Variants in CLMN observed in about 807,000 individuals in gnomAD.
CLMN encodes the protein calmin, also known as calmin (calponin-like, transmembrane).
CLMN carries 57 observed loss-of-function variants against 92.7 expected under a neutral mutation model. The ratio of observed to expected loss-of-function variants is 0.61; its 90% confidence interval spans 0.50 to 0.77. CLMN has a LOEUF of 0.77. Ranked by LOEUF, CLMN falls within the 30% of genes least tolerant of loss-of-function variation. CLMN has a pLI of 0.00. For synonymous variants in CLMN, 466 were observed against 470.6 expected (o/e 0.99, Z 0.13); for missense variants, 1,158 against 1,237.5 (o/e 0.94, Z 0.96).
At chr14:95,318,859 G>A (rs1036392131) in intron 1 of CLMN, among the ~76,000 whole-genome samples, 1 of 152,246 alleles carries the variant, frequency 6.6e-6, no homozygotes, top group Non-Finnish European at 1.5e-5. Flanking sequence ...AGGTTGTGGA[G>A]GGGAAATTAT....
chr14:95,257,497 C>A (rs979513856), intron 1 of CLMN, among the ~76,000 whole-genome samples: 2 of 152,214 alleles, frequency 1.3e-5, no homozygotes, highest in African/African-American at 2.4e-5. Flanking sequence ...TCAAATTAAA[C>A]TCTTTCAATT....
At chr14:95,270,791 T>A (rs192169761) in intron 1 of CLMN, among the ~76,000 whole-genome samples, 1 of 152,350 alleles carries the variant, frequency 6.6e-6, no homozygotes, top group Non-Finnish European at 1.5e-5. Context: ...ATTCATTTTT[T>A]TTACATGGAG....
At chr14:95,238,254 A>G (rs1446272349) in intron 1 of CLMN, among the ~76,000 whole-genome samples, 1 of 152,304 alleles carries the variant, frequency 6.6e-6, no homozygotes, top group Admixed American at 6.5e-5. Flanking sequence ...ACCTCATTAC[A>G]TGGCCTCATG....
At position 95,270,485 on chromosome 14, in the gene CLMN, C is replaced by T. The variant is rs117288432; in HGVS notation, c.83-40352G>A. On this transcript the variant is annotated intron_variant, in intron 1 of 12. Coordinates refer to ENST00000298912, the MANE Select transcript of CLMN (RefSeq NM_024734.4). Reference sequence around the variant, plus strand: ...GCAGCTTCAGGCAAACACTAATAGACCTTCTAGCTCCATTGATCTGGAACA... The same window carrying T: ...GCAGCTTCAGGCAAACACTAATAGATCTTCTAGCTCCATTGATCTGGAACA... Among the ~76,000 whole-genome samples, 360 of 152,262 alleles carry T rather than the reference C, an allele frequency of 2.4e-3. 13 individuals are homozygous for T. The East Asian group carries it at 0.058, about 25-fold the overall frequency.
chr14:95,238,501 C>G (rs1365780590), intron 1 of CLMN, among the ~76,000 whole-genome samples: 2 of 152,218 alleles, frequency 1.3e-5, no homozygotes, highest in East Asian at 3.8e-4. Flanking sequence ...TGCTCTGACC[C>G]AAGTCCCTTT....
chr14:95,232,594 T>C (rs1468155010), intron 1 of CLMN, among the ~76,000 whole-genome samples: 1 of 152,202 alleles, frequency 6.6e-6, no homozygotes, highest in East Asian at 1.9e-4. Context: ...CACTGGCTAA[T>C]AGGCATAAGA....
chr14:95,284,871 T>C (rs1055989559), intron 1 of CLMN, among the ~76,000 whole-genome samples: 1 of 152,162 alleles, frequency 6.6e-6, no homozygotes, highest in Non-Finnish European at 1.5e-5. Flanking sequence ...TTTGGGGGAC[T>C]GTTGGGAAGG....
At chr14:95,236,208 C>T (rs1302069319) in intron 1 of CLMN, among the ~76,000 whole-genome samples, 6 of 152,214 alleles carry the variant, frequency 3.9e-5, no homozygotes, top group African/African-American at 1.4e-4. Flanking sequence ...CTCAGTGAAA[C>T]GCCAGGATTT....
In CLMN at chr14:95,183,796, C is replaced by G. The variant is rs1431532515; in HGVS notation, c.*7768G>C. On this transcript the variant is annotated 3_prime_UTR_variant, in exon 13 of 13. Transcript: ENST00000298912. ...GTTTAGAGTGTTTGAAAATAACAGT[C>G]CTATGTTCCCAGTTCTGCTACTTAC... 1 of 152,234 alleles carries G rather than the reference C, an allele frequency of 6.6e-6. No homozygotes were observed. The allele number at this position is 152,234 out of a possible 1,614,324, so 9.4% of individuals were successfully genotyped here. A position where few individuals can be genotyped will look rare whatever the true frequency, so the allele number is the denominator to read the frequency against.
chr14:95,240,409 C>A (rs1268942541), intron 1 of CLMN, among the ~76,000 whole-genome samples: 4 of 152,096 alleles, frequency 2.6e-5, no homozygotes, highest in African/African-American at 9.7e-5. Flanking sequence ...CCAGACATGG[C>A]CCCAAACAAA....
Position 95,188,642 on chromosome 14 carries a change from A to G in CLMN, c.*2922T>C, listed in dbSNP as rs1277094595. The G allele has an allele frequency of 6.6e-6, 1 of 152,192 alleles. No homozygotes were observed. Among genetic ancestry groups the G allele is most frequent in the African/African-American group, 2.4e-5 (1 of 41,438 alleles). 9.4% of individuals were successfully genotyped at this position (152,192 alleles called of 1,614,324 possible). On this transcript the variant is annotated 3_prime_UTR_variant, in exon 13 of 13. Coordinates refer to ENST00000298912, the MANE Select transcript of CLMN (RefSeq NM_024734.4). ...AGAAAATTTAAGAAATTTCCCATGAAGGCCCAGCACAAGGTTTAACACCCG... is the reference window on the plus strand; with the variant it reads ...AGAAAATTTAAGAAATTTCCCATGAGGGCCCAGCACAAGGTTTAACACCCG...
chr14:95,183,050 A>C lies in CLMN; in HGVS notation c.*8514T>G, dbSNP rs1896364689. 6.6e-6 allele frequency: 1 copy of C among 152,238 alleles called. No homozygotes were observed. Among genetic ancestry groups the C allele is most frequent in the Non-Finnish European group, 1.5e-5 (1 of 68,040 alleles). 9.4% of individuals were successfully genotyped at this position (152,238 alleles called of 1,614,324 possible). On this transcript the variant is annotated 3_prime_UTR_variant, in exon 13 of 13. Coordinates refer to ENST00000298912, the MANE Select transcript of CLMN (RefSeq NM_024734.4). ...AGCAAATAGGCCACTTATTGAGATAAATAAAAACTACCTTCGTAACCTTTG... is the reference window on the plus strand; with the variant it reads ...AGCAAATAGGCCACTTATTGAGATACATAAAAACTACCTTCGTAACCTTTG...
At chr14:95,220,754 T>C (rs1202362492) in intron 4 of CLMN, among the ~76,000 whole-genome samples, 2 of 152,228 alleles carry the variant, frequency 1.3e-5, no homozygotes, top group Non-Finnish European at 2.9e-5. Flanking sequence ...CCACACATCC[T>C]GTCCGGGCCT....
chr14:95,244,758 A>G (rs948419496), intron 1 of CLMN, among the ~76,000 whole-genome samples: 5 of 152,026 alleles, frequency 3.3e-5, no homozygotes, highest in African/African-American at 1.2e-4. Context: ...AGGAGATGAG[A>G]ACACACTAGT....
intron 1 of CLMN, among the ~76,000 whole-genome samples, chr14:95,251,000 G>A (rs956716001): frequency 1.1e-4 from 17 of 152,274 alleles, no homozygotes; most frequent in African/African-American, 3.4e-4. Context: ...GGTTCTTAAC[G>A]ACAGTACAGG....
intron 1 of CLMN, among the ~76,000 whole-genome samples, chr14:95,305,000 C>G (rs921834678): frequency 6.6e-6 from 1 of 152,194 alleles, no homozygotes; most frequent in Non-Finnish European, 1.5e-5. Context: ...TAGTCCCCAA[C>G]TTTTAAAGAG....
At chr14:95,250,744 G>A (rs1243263396) in intron 1 of CLMN, among the ~76,000 whole-genome samples, 1 of 152,208 alleles carries the variant, frequency 6.6e-6, no homozygotes, top group Non-Finnish European at 1.5e-5. Context: ...GTTAAGTCAG[G>A]AAGCCTGTCT....
chr14:95,224,177 A>G (rs370167678), intron 2 of CLMN, among the ~76,000 whole-genome samples: 2 of 152,266 alleles, frequency 1.3e-5, no homozygotes, highest in Non-Finnish European at 2.9e-5. Context: ...AAGGGCAGAA[A>G]GAAATGGCAT....
At chr14:95,223,644 A>T in intron 3 of CLMN, 116 bp downstream of exon 3, 1 of 739,584 alleles carries the variant, frequency 1.4e-6, no homozygotes, top group Non-Finnish European at 2.1e-6. Flanking sequence ...AAAAAAAGTC[A>T]CCGCTTCAGA....
Sources: allele counts gnomAD v4.1 joint callset (sites outside exome capture counted in the v4.1 genomes callset), GRCh38; gene constraint gnomAD v4.1.1; transcripts MANE v1.5; gene names NCBI Gene and HGNC (gene_info 2026-07-23, HGNC 2026-07-21).